The following ALK variants were observed in gnomAD, a reference collection of about 807,000 sequenced individuals.
The protein encoded by ALK is ALK tyrosine kinase receptor.
Under a neutral mutation model 163.1 loss-of-function variants are expected in ALK, and 74 were observed. That is an observed-to-expected ratio of 0.45 (90% CI 0.38 to 0.55). The LOEUF (loss-of-function observed/expected upper bound fraction) is 0.55. Among genes scored for constraint, ALK ranks in the 20% least tolerant of loss-of-function variants. ALK has a pLI of 0.00. For missense variants in ALK, 2,063 were observed against 2,105.3 expected (o/e 0.98, Z 0.39); for synonymous variants, 960 against 843.2 (o/e 1.14, Z -2.40).
At chr2:29,297,941 T>C (rs1021833618) in intron 8 of ALK, among the ~76,000 whole-genome samples, 14 of 152,196 alleles carry the variant, frequency 9.2e-5, no homozygotes, top group Non-Finnish European at 4.4e-5. Flanking sequence ...AGGTAAAATA[T>C]GTCTTATGGT....
chr2:29,246,110 A>C lies in ALK; in HGVS notation c.2204+4995T>G, dbSNP rs2148193285. ...TGGGCCATGCTTGACAAATGGTGTT[A>C]TATACGATCTGTGTGTGTATGGTAG... On this transcript the variant is annotated intron_variant, in intron 12 of 28. Transcript: ENST00000389048. The surrounding 1 kb of genome is among the most constrained non-coding windows in gnomAD (Gnocchi z 4.3). 6.6e-6 allele frequency among the ~76,000 whole-genome samples: 1 copy of C among 152,022 alleles called. No homozygotes were observed. Among genetic ancestry groups the C allele is most frequent in the South Asian group, 2.1e-4 (1 of 4,802 alleles).
chr2:29,770,495 A>G (rs932659328), intron 1 of ALK, among the ~76,000 whole-genome samples: 5 of 152,240 alleles, frequency 3.3e-5, no homozygotes, highest in African/African-American at 7.2e-5. Flanking sequence ...TCTGAGGGAA[A>G]TCTCTGAGTT....
chr2:29,913,296 A>G (rs369847870), intron 1 of ALK, among the ~76,000 whole-genome samples: 2 of 152,348 alleles, frequency 1.3e-5, no homozygotes, highest in Non-Finnish European at 2.9e-5. Flanking sequence ...TGAAAAATTC[A>G]TCACAAAATT....
chr2:29,524,127 G>C (rs1573427449), intron 4 of ALK, among the ~76,000 whole-genome samples: 1 of 152,180 alleles, frequency 6.6e-6, no homozygotes, highest in South Asian at 2.1e-4. Flanking sequence ...TTAATTTTTA[G>C]ACCCAGAGCT....
At chr2:29,684,568 A>G (rs1366455485) in intron 3 of ALK, among the ~76,000 whole-genome samples, 1 of 152,174 alleles carries the variant, frequency 6.6e-6, no homozygotes, top group Non-Finnish European at 1.5e-5. Flanking sequence ...GCCATCTGCA[A>G]AGAAGACACA....
intron 1 of ALK, among the ~76,000 whole-genome samples, chr2:29,769,042 T>A (rs1680942974): frequency 6.6e-6 from 1 of 152,076 alleles, no homozygotes; most frequent in Non-Finnish European, 1.5e-5. Context: ...TCATGTTACC[T>A]AGGCTGGTCT....
chr2:29,891,613 T>C lies in ALK; in HGVS notation c.667+28380A>G, dbSNP rs1192133445. Among the ~76,000 whole-genome samples the C allele has an allele frequency of 3.3e-5, 5 of 152,158 alleles. No homozygotes were observed. In the East Asian group the frequency reaches 9.6e-4, roughly 29 times the overall value. ...GCCCATAAAGTAGAACATTTTATAG[T>C]TCTGGGGAGAACCATAAGAACTATA... is the stretch of plus-strand genomic sequence containing the variant. On this transcript the variant is annotated intron_variant, in intron 1 of 28. Coordinates refer to ENST00000389048, the MANE Select transcript of ALK (RefSeq NM_004304.5).
intron 4 of ALK, among the ~76,000 whole-genome samples, chr2:29,521,737 C>G (rs1672817793): frequency 6.6e-6 from 1 of 152,244 alleles, no homozygotes; most frequent in Non-Finnish European, 1.5e-5. Context: ...CTTGGGCCAT[C>G]AGCTCCAGTT....
chr2:29,675,348 A>G (rs6740130), intron 3 of ALK, among the ~76,000 whole-genome samples: 1,818 of 152,166 alleles, frequency 0.012, 26 homozygotes, highest in Middle Eastern at 0.034. Context: ...TCTATTCCAC[A>G]TAATTCTGAC....
At chr2:29,826,448 T>TTA (rs1665202331) in intron 1 of ALK, among the ~76,000 whole-genome samples, 1 of 140,080 alleles carries the variant, frequency 7.1e-6, no homozygotes, top group African/African-American at 2.6e-5. Flanking sequence ...CCAGTTGATT[T>TTA]AAAAAAAAAA....
intron 4 of ALK, among the ~76,000 whole-genome samples, chr2:29,459,403 T>G (rs1573372713): frequency 6.6e-6 from 1 of 152,114 alleles, no homozygotes; most frequent in African/African-American, 2.4e-5. Context: ...CTCCCTCTCT[T>G]CTGTCAGCAG....
At chr2:29,795,106 A>G (rs931373121) in intron 1 of ALK, among the ~76,000 whole-genome samples, 2 of 152,152 alleles carry the variant, frequency 1.3e-5, no homozygotes, top group African/African-American at 4.8e-5. Flanking sequence ...TAGTCCTGAT[A>G]TCATCCAAAT....
chr2:29,906,062 A>G (rs950080198), intron 1 of ALK, among the ~76,000 whole-genome samples: 1 of 152,146 alleles, frequency 6.6e-6, no homozygotes, highest in African/African-American at 2.4e-5. Context: ...GGGCCTCGCT[A>G]TAGAGGGTCA....
chr2:29,775,537 C>CA (rs770320077), intron 1 of ALK, among the ~76,000 whole-genome samples: 6,642 of 115,074 alleles, frequency 0.058, 182 homozygotes, highest in East Asian at 0.13. Context: ...CCTCCCCCTA[C>CA]AAAAAAAAAA....
intron 3 of ALK, among the ~76,000 whole-genome samples, chr2:29,603,243 C>CCA (rs1675429365): frequency 6.6e-6 from 1 of 152,172 alleles, no homozygotes; most frequent in Non-Finnish European, 1.5e-5. Flanking sequence ...ACCTGAGTTT[C>CCA]AGCTAATCTT....
chr2:29,882,691 C>T lies in ALK; in HGVS notation c.667+37302G>A, dbSNP rs143078732. 5.0e-3 allele frequency among the ~76,000 whole-genome samples: 768 copies of T among 152,226 alleles called. 9 individuals are homozygous for T. The highest frequency in any genetic ancestry group is 0.018 in the African/African-American group (732 of 41,552). The stretch of plus-strand genomic sequence containing the variant: ...CCTGGCGACAGACAGGCAACAACAA[C>T]GACAACGAACTAGATAATACCAAGG... On this transcript the variant is annotated intron_variant, in intron 1 of 28. Transcript: ENST00000389048.
intron 26 of ALK, among the ~76,000 whole-genome samples, chr2:29,206,685 G>C (rs531360270): frequency 1.2e-3 from 177 of 152,114 alleles, no homozygotes; most frequent in African/African-American, 4.0e-3. Context: ...TTCTCAGTAA[G>C]GTACCACTTG....
chr2:29,406,498 G>C (rs962228934), intron 4 of ALK, among the ~76,000 whole-genome samples: 2 of 152,172 alleles, frequency 1.3e-5, no homozygotes, highest in African/African-American at 4.8e-5. Context: ...ATTCTGAGAG[G>C]CCTCATAGAA....
At chr2:29,391,601 C>A (rs72792436) in intron 4 of ALK, among the ~76,000 whole-genome samples, 1 of 152,096 alleles carries the variant, frequency 6.6e-6, no homozygotes, top group Non-Finnish European at 1.5e-5. Flanking sequence ...GCCACCGCAC[C>A]GGCCTCCTAG....
Sources: allele counts gnomAD v4.1 joint callset (sites outside exome capture counted in the v4.1 genomes callset), GRCh38; gene constraint gnomAD v4.1.1; non-coding constraint Gnocchi (gnomAD v3.1); transcripts MANE v1.5; gene names NCBI Gene and HGNC (gene_info 2026-07-23, HGNC 2026-07-21).